Variants in PPP2R2B observed in about 807,000 individuals in gnomAD.
The protein encoded by PPP2R2B is serine/threonine-protein phosphatase 2A 55 kDa regulatory subunit B beta isoform.
PPP2R2B carries 5 observed loss-of-function variants against 46.0 expected under a neutral mutation model. That is an observed-to-expected ratio of 0.11 (90% CI 0.06 to 0.23). The LOEUF is 0.23. Ranked by LOEUF, PPP2R2B falls within the 10% of genes least tolerant of loss-of-function variation. The pLI, the probability that PPP2R2B is intolerant of heterozygous loss-of-function variation, is 1.00. For synonymous variants in PPP2R2B, 215 were observed against 206.7 expected, an observed-to-expected ratio of 1.04 and a Z score of -0.34; for missense variants, 367 against 575.0, an observed-to-expected ratio of 0.64 and a Z score of 3.70.
chr5:146,714,569 A>G (rs1001551579), intron 2 of PPP2R2B, among the ~76,000 whole-genome samples: 2 of 152,194 alleles, frequency 1.3e-5, no homozygotes, highest in African/African-American at 2.4e-5. Context: ...AAATAAATGT[A>G]TAGATGAACA....
chr5:146,793,658 G>A (rs1261217743), intron 2 of PPP2R2B, among the ~76,000 whole-genome samples: 2 of 152,178 alleles, frequency 1.3e-5, no homozygotes, highest in Non-Finnish European at 2.9e-5. Flanking sequence ...TGAAACCCAG[G>A]CAGTCTGACT....
intron 1 of PPP2R2B, among the ~76,000 whole-genome samples, chr5:147,021,513 A>G (rs1755266760): frequency 6.6e-6 from 1 of 152,196 alleles, no homozygotes; most frequent in African/African-American, 2.4e-5. Context: ...AATACTGGGG[A>G]GGTATAAATT....
intron 2 of PPP2R2B, among the ~76,000 whole-genome samples, chr5:146,725,857 A>C (rs1479970338): frequency 6.6e-6 from 1 of 152,222 alleles, no homozygotes; most frequent in Non-Finnish European, 1.5e-5. Context: ...GGCAGGGCCC[A>C]TGTCTGTCCT....
chr5:147,053,886 A>T (rs1561602244), intron 1 of PPP2R2B, among the ~76,000 whole-genome samples: 1 of 152,158 alleles, frequency 6.6e-6, no homozygotes, highest in Non-Finnish European at 1.5e-5. Context: ...TTGGTACATA[A>T]CCCATGTCTT....
At chr5:146,863,131 GA>G (rs1204199007) in intron 2 of PPP2R2B, among the ~76,000 whole-genome samples, 1 of 151,834 alleles carries the variant, frequency 6.6e-6, no homozygotes. Flanking sequence ...AGAACCTACA[GA>G]AAAATACATC....
In PPP2R2B at chr5:146,702,155, C is replaced by G. The variant is rs1779578675; in HGVS notation, c.71-1013G>C. Among the ~76,000 whole-genome samples, 3 of 150,888 alleles carry G rather than the reference C, an allele frequency of 2.0e-5. No individual in the cohort carries two copies. In the East Asian group the frequency reaches 5.8e-4, roughly 29 times the overall value. On this transcript the variant is annotated intron_variant, in intron 2 of 9. Coordinates refer to ENST00000394411, the MANE Select transcript of PPP2R2B (RefSeq NM_181675.4). ...CTAGGTAAGGAAAGCAAAGGGGAAA[C>G]AGTGAGGTGGAAAACTAAGGCAATT...
chr5:146,755,361 G>GT (rs1447407535), intron 2 of PPP2R2B, among the ~76,000 whole-genome samples: 1 of 152,214 alleles, frequency 6.6e-6, no homozygotes, highest in Non-Finnish European at 1.5e-5. Flanking sequence ...TCACCTTCAA[G>GT]TAAAAGGGTT....
At chr5:147,048,978 A>T (rs1006357683) in intron 1 of PPP2R2B, among the ~76,000 whole-genome samples, 1 of 152,138 alleles carries the variant, frequency 6.6e-6, no homozygotes, top group Non-Finnish European at 1.5e-5. Context: ...AAGTAAATGG[A>T]TGTATAACAG....
chr5:146,829,728 T>C (rs1007144329), intron 2 of PPP2R2B, among the ~76,000 whole-genome samples: 1 of 152,146 alleles, frequency 6.6e-6, no homozygotes, highest in Non-Finnish European at 1.5e-5. Context: ...TCTCAAACTA[T>C]CCAAAGAATC....
chr5:146,758,052 A>T (rs1471639761), intron 2 of PPP2R2B, among the ~76,000 whole-genome samples: 1 of 152,152 alleles, frequency 6.6e-6, no homozygotes, highest in Non-Finnish European at 1.5e-5. Context: ...TGGCATTGTG[A>T]TGCTATTCCT....
chr5:146,717,281 T>C (rs1780549837), intron 2 of PPP2R2B, among the ~76,000 whole-genome samples: 1 of 152,220 alleles, frequency 6.6e-6, no homozygotes, highest in African/African-American at 2.4e-5. Flanking sequence ...AGATCACATT[T>C]CCATACCTCC....
chr5:146,665,385 C>T (rs1165715985), intron 5 of PPP2R2B, among the ~76,000 whole-genome samples: 1 of 152,176 alleles, frequency 6.6e-6, no homozygotes, highest in African/African-American at 2.4e-5. Flanking sequence ...GAGATGGCTT[C>T]TTACACCTCA....
intron 1 of PPP2R2B, among the ~76,000 whole-genome samples, chr5:146,936,241 A>G (rs1764135228): frequency 6.6e-6 from 1 of 152,132 alleles, no homozygotes; most frequent in Non-Finnish European, 1.5e-5. Flanking sequence ...TCAAGAAAGC[A>G]AAGATTTCCT....
intron 5 of PPP2R2B, among the ~76,000 whole-genome samples, chr5:146,661,417 T>G (rs1439777389): frequency 1.3e-5 from 2 of 152,114 alleles, no homozygotes; most frequent in East Asian, 3.8e-4. Flanking sequence ...CGTTTTGGAT[T>G]AAAAGGTACT....
At chr5:146,900,558 C>T (rs397832299) in intron 1 of PPP2R2B, among the ~76,000 whole-genome samples, 5 of 41,046 alleles carry the variant, frequency 1.2e-4, no homozygotes, top group South Asian at 8.9e-4. Context: ...TTCCTTTCTT[C>T]CTTCCTTCCT....
intron 1 of PPP2R2B, among the ~76,000 whole-genome samples, chr5:146,970,375 C>T (rs967631878): frequency 2.6e-5 from 4 of 151,714 alleles, no homozygotes; most frequent in African/African-American, 4.8e-5. Context: ...CCGAGGCGGG[C>T]GGATCATTTG....
intron 2 of PPP2R2B, among the ~76,000 whole-genome samples, chr5:146,759,316 A>G (rs1294238059): frequency 6.6e-6 from 1 of 152,212 alleles, no homozygotes; most frequent in Non-Finnish European, 1.5e-5. Context: ...ATAATAAGTA[A>G]TATACTTCCC....
At chr5:146,694,924 A>G (rs1241490132) in intron 4 of PPP2R2B, among the ~76,000 whole-genome samples, 2 of 152,144 alleles carry the variant, frequency 1.3e-5, no homozygotes, top group Admixed American at 1.3e-4. Flanking sequence ...CCCTGCAAAT[A>G]TATTTATAGG....
In PPP2R2B at chr5:146,584,503, G is replaced by T. The variant is rs1770042572; in HGVS notation, c.*5444C>A. On this transcript the variant is annotated 3_prime_UTR_variant, in exon 10 of 10. Coordinates refer to ENST00000394411, the MANE Select transcript of PPP2R2B (RefSeq NM_181675.4). The stretch of plus-strand genomic sequence containing the variant: ...ATTACCAATAACTGTGATGGAAGAA[G>T]TATAGGATCTGGAACAGGATAGATC... The T allele has an allele frequency of 6.6e-6, 1 of 152,180 alleles. No homozygotes were observed. Among genetic ancestry groups the T allele is most frequent in the Non-Finnish European group, 1.5e-5 (1 of 68,040 alleles). 9.4% of individuals were successfully genotyped at this position (152,180 alleles called of 1,614,324 possible).
Sources: allele counts gnomAD v4.1 joint callset (sites outside exome capture counted in the v4.1 genomes callset), GRCh38; gene constraint gnomAD v4.1.1; transcripts MANE v1.5; gene names NCBI Gene and HGNC (gene_info 2026-07-23, HGNC 2026-07-21).